Variants in SLC5A12 observed in about 807,000 individuals in gnomAD.
SLC5A12 encodes sodium-coupled monocarboxylate transporter 2.
Under a neutral mutation model 72.7 loss-of-function variants are expected in SLC5A12, and 46 were observed. The observed-to-expected ratio is 0.63, with a 90% CI of 0.50 to 0.81. The LOEUF (loss-of-function observed/expected upper bound fraction) is 0.81. SLC5A12 is among the 30% of genes least tolerant of loss of function. SLC5A12 has a pLI of 0.00. For synonymous variants in SLC5A12, 275 were observed against 264.4 expected (o/e 1.04, Z -0.39); for missense variants, 683 against 740.7 (o/e 0.92, Z 0.90).
intron 6 of SLC5A12, 30 bp downstream of exon 6, chr11:26,703,501 C>T (rs1389816283): frequency 4.4e-6 from 7 of 1,607,856 alleles, no homozygotes; most frequent in Admixed American, 3.3e-5. Context: ...TAAGATAAAA[C>T]ATTAAAATTT....
intron 13 of SLC5A12, among the ~76,000 whole-genome samples, chr11:26,675,184 C>G (rs1854237615): frequency 1.3e-5 from 2 of 152,134 alleles, no homozygotes; most frequent in African/African-American, 4.8e-5. Context: ...ATCAAACACT[C>G]CAACAAATGA....
chr11:26,671,860 A>G (rs1250727645), intron 14 of SLC5A12, among the ~76,000 whole-genome samples: 1 of 152,152 alleles, frequency 6.6e-6, no homozygotes, highest in African/African-American at 2.4e-5. Context: ...AACTTCCTCA[A>G]AATTCATTTA....
chr11:26,681,159 GA>G lies in SLC5A12; in HGVS notation c.1370del (p.Phe457SerfsTer25), dbSNP rs1854403214. The G allele has an allele frequency of 6.2e-7, 1 of 1,612,000 alleles. No homozygotes were observed. On this transcript the variant is annotated frameshift_variant, in exon 12 of 15. Coordinates refer to ENST00000396005, the MANE Select transcript of SLC5A12 (RefSeq NM_178498.4). LOFTEE classifies it high-confidence loss of function. ...TLSFWVAIGA[F>X]IYPAPASKTW... is the part of the protein sequence containing the mutation. ...TCTTAGAGGCTGGTGCAGGGTAAAT[GA>G]AGGCCCCAATGGCCACCCAAAATGA...
chr11:26,675,465 G>T (rs545361595), intron 13 of SLC5A12, among the ~76,000 whole-genome samples: 5 of 152,242 alleles, frequency 3.3e-5, no homozygotes, highest in African/African-American at 4.8e-5. Flanking sequence ...CTTGGGGATT[G>T]AGCATCAGTG....
At chr11:26,698,261 CCAAGAGA>C (rs1854873526) in intron 7 of SLC5A12, 138 bp downstream of exon 7, 2 of 1,055,818 alleles carry the variant, frequency 1.9e-6, no homozygotes, top group Admixed American at 2.9e-5. Flanking sequence ...CTGATATCAC[CCAAGAGA>C]AGAAAGAAAC....
At chr11:26,680,877 T>C (rs1854396117) in intron 12 of SLC5A12, among the ~76,000 whole-genome samples, 178 bp downstream of exon 12, 1 of 152,166 alleles carries the variant, frequency 6.6e-6, no homozygotes, top group African/African-American at 2.4e-5. Context: ...TACAGAGGAA[T>C]GGACATCTGC....
intron 8 of SLC5A12, among the ~76,000 whole-genome samples, chr11:26,693,048 TC>T (rs1377256585): frequency 6.6e-6 from 1 of 152,210 alleles, no homozygotes; most frequent in Non-Finnish European, 1.5e-5. Flanking sequence ...ATTCTGGGTA[TC>T]AAGCATACAA....
intron 13 of SLC5A12, among the ~76,000 whole-genome samples, chr11:26,675,006 C>T (rs1466810502): frequency 6.6e-6 from 1 of 152,182 alleles, no homozygotes; most frequent in Non-Finnish European, 1.5e-5. Context: ...CTCTGTAACG[C>T]TCCATTTGCC....
intron 1 of SLC5A12, among the ~76,000 whole-genome samples, chr11:26,717,517 C>T (rs886718543): frequency 3.3e-5 from 5 of 152,190 alleles, no homozygotes; most frequent in Admixed American, 6.5e-5. Flanking sequence ...TAAATTATCA[C>T]TTGAGGGTGA....
At chr11:26,690,015 G>A (rs981713636) in intron 9 of SLC5A12, among the ~76,000 whole-genome samples, 4 of 152,104 alleles carry the variant, frequency 2.6e-5, no homozygotes, top group South Asian at 2.1e-4. Context: ...AGTTGAAAGA[G>A]GAAGATGTGA....
intron 14 of SLC5A12, among the ~76,000 whole-genome samples, chr11:26,672,226 G>GTGAT (rs1282129232): frequency 6.6e-6 from 1 of 152,044 alleles, no homozygotes; most frequent in East Asian, 1.9e-4. Flanking sequence ...TCAGCTTTAG[G>GTGAT]TGATATACAT....
rs548852432 is a variant in SLC5A12, at chr11:26,705,447, GAGTGTCA to G, written c.526-1507_526-1501del. ...ATTATCATCTCTGGTTACTCCTCCA[GAGTGTCA>G]AGAACTTTAGTGAAAAGATGACAGG... On this transcript the variant is annotated intron_variant, in intron 4 of 14. Coordinates refer to ENST00000396005, the MANE Select transcript of SLC5A12 (RefSeq NM_178498.4). Among the ~76,000 whole-genome samples, 4 of 152,206 alleles carry G rather than the reference GAGTGTCA, an allele frequency of 2.6e-5. No homozygotes were observed. The South Asian group carries it at 8.3e-4, about 32-fold the overall frequency.
chr11:26,703,431 C>CACAT, intron 6 of SLC5A12, 100 bp downstream of exon 6: 1 of 1,260,692 alleles, frequency 7.9e-7, no homozygotes, highest in Non-Finnish European at 1.1e-6. Flanking sequence ...TACATACACA[C>CACAT]ACACACACAC....
chr11:26,703,618 C>T lies in SLC5A12; in HGVS notation c.734G>A (p.Gly245Glu). Residue 245 changes from glycine (G) to glutamate (E), a missense_variant, in exon 6 of 15, where the codon GGA (glycine) becomes GAA (glutamate). Gly to Glu is a moderately conservative substitution (Grantham distance 98). Transcript: ENST00000396005. The stretch of plus-strand genomic sequence containing the variant: ...ATAGATTCCGAGCCAAGTAAAAGTT[C>T]CTCCCACTGTGATAGTCCAAAAAGT... ...RHTFWTITVG[G>E]TFTWLGIYGV... The T allele has an allele frequency of 6.2e-7, 1 of 1,613,868 alleles. No individual in the cohort carries two copies. The highest frequency in any genetic ancestry group is 8.5e-7 in the Non-Finnish European group (1 of 1,179,902).
At position 26,674,230 on chromosome 11, in the gene SLC5A12, A is replaced by G. The variant is rs1197280048; in HGVS notation, c.1580-701T>C. Among the ~76,000 whole-genome samples the G allele has an allele frequency of 2.0e-5, 3 of 151,458 alleles. No homozygotes were observed. The East Asian group carries it at 5.8e-4, about 29-fold the overall frequency. The stretch of plus-strand genomic sequence containing the variant: ...TATTCACTAATACCCAATATCATTC[A>G]AGGATAGTTATTAGTCCCATAGTCA... On this transcript the variant is annotated intron_variant, in intron 13 of 14. Transcript: ENST00000396005.
chr11:26,697,668 C>G (rs1161187341), intron 7 of SLC5A12, among the ~76,000 whole-genome samples: 2 of 152,108 alleles, frequency 1.3e-5, no homozygotes, highest in African/African-American at 4.8e-5. Context: ...TGTAGTATAT[C>G]AGCACGATGT....
At chr11:26,720,221 G>A (rs182025829) in intron 1 of SLC5A12, among the ~76,000 whole-genome samples, 17 of 152,092 alleles carry the variant, frequency 1.1e-4, no homozygotes, top group Non-Finnish European at 4.4e-5. Flanking sequence ...TGGGTGTGGT[G>A]GCAAACTTCT....
intron 1 of SLC5A12, among the ~76,000 whole-genome samples, chr11:26,718,049 G>A (rs533496321): frequency 6.6e-6 from 1 of 152,274 alleles, no homozygotes; most frequent in African/African-American, 2.4e-5. Context: ...AGTTCACAGG[G>A]TGGATAAAGA....
chr11:26,700,761 A>T (rs1854939779), intron 6 of SLC5A12, among the ~76,000 whole-genome samples: 1 of 152,166 alleles, frequency 6.6e-6, no homozygotes, highest in Non-Finnish European at 1.5e-5. Flanking sequence ...GTGTCTCAGT[A>T]AGTGATACTA....
Sources: gnomAD v4.1 joint callset for allele counts (sites outside exome capture counted in the v4.1 genomes callset) on GRCh38, gnomAD v4.1.1 for gene constraint, MANE v1.5 for transcripts, NCBI Gene and HGNC (gene_info 2026-07-23, HGNC 2026-07-21) for gene names.